Variants in GRK5 observed in about 807,000 individuals in gnomAD.
GRK5 encodes g protein-coupled receptor kinase GRK5.
Under a neutral mutation model 78.4 loss-of-function variants are expected in GRK5, and 40 were observed. That is an observed-to-expected ratio of 0.51 (90% CI 0.40 to 0.66). The LOEUF is 0.66. GRK5 is among the 30% of genes least tolerant of loss of function. GRK5 has a pLI of 0.00. For missense variants in GRK5, 598 were observed against 759.9 expected (o/e 0.79, Z 2.50); for synonymous variants, 289 against 296.8 (o/e 0.97, Z 0.27).
chr10:119,369,767 C>T (rs1368229916), intron 2 of GRK5, among the ~76,000 whole-genome samples: 2 of 152,140 alleles, frequency 1.3e-5, no homozygotes, highest in Non-Finnish European at 2.9e-5. Context: ...TGCCGGGCTT[C>T]CGGGCAGAGG....
intron 1 of GRK5, among the ~76,000 whole-genome samples, chr10:119,225,651 G>A (rs1406675869): frequency 2.0e-5 from 3 of 148,054 alleles, no homozygotes; most frequent in Non-Finnish European, 3.0e-5. Context: ...GAGGACTGCT[G>A]ATTTTCTTCT....
At chr10:119,353,969 T>C (rs1251769389) in intron 2 of GRK5, among the ~76,000 whole-genome samples, 2 of 150,460 alleles carry the variant, frequency 1.3e-5, no homozygotes, top group African/African-American at 4.9e-5. Flanking sequence ...ACTTATACTT[T>C]ATTAGTGTGA....
chr10:119,394,321 T>TCC (rs1851969821), intron 3 of GRK5, among the ~76,000 whole-genome samples: 1 of 63,032 alleles, frequency 1.6e-5, no homozygotes, highest in Non-Finnish European at 3.6e-5. Flanking sequence ...CACGTGGGTG[T>TCC]GTGTATCTGT....
At position 119,394,851 on chromosome 10, in the gene GRK5, GCA is replaced by G. The variant is rs1442095193; in HGVS notation, c.262-1839_262-1838del. Among the ~76,000 whole-genome samples, 35 of 144,592 alleles carry G rather than the reference GCA, an allele frequency of 2.4e-4. 1 individual carries two copies. The highest frequency in any genetic ancestry group is 3.5e-3 in the Middle Eastern group (1 of 284). The allele number at this position is 144,592 out of a possible 152,430, so 94.9% of individuals were successfully genotyped here. On this transcript the variant is annotated intron_variant, in intron 3 of 15. Coordinates refer to ENST00000392870, the MANE Select transcript of GRK5 (RefSeq NM_005308.3). ...TCTGTGTCTGTGGGCACGTGTGTGT[GCA>G]CACATGTGCACTCAGGTTTAGGAGA...
intron 1 of GRK5, among the ~76,000 whole-genome samples, chr10:119,232,162 G>A (rs997348169): frequency 6.6e-6 from 1 of 152,200 alleles, no homozygotes; most frequent in Non-Finnish European, 1.5e-5. Context: ...GAAGAATGAA[G>A]TCTTGCCATT....
At chr10:119,450,815 G>A (rs576408430) in intron 13 of GRK5, among the ~76,000 whole-genome samples, 3 of 152,084 alleles carry the variant, frequency 2.0e-5, no homozygotes, top group Non-Finnish European at 4.4e-5. Flanking sequence ...TGTACCCTGT[G>A]GCCCAGGGCC....
intron 2 of GRK5, among the ~76,000 whole-genome samples, chr10:119,361,379 C>G (rs1043936492): frequency 2.1e-4 from 32 of 152,254 alleles, no homozygotes; most frequent in African/African-American, 7.7e-4. Context: ...TTCAACCATT[C>G]TCTTACTCAG....
chr10:119,334,710 G>A (rs1038559261), intron 2 of GRK5: 2 of 152,094 alleles, frequency 1.3e-5, no homozygotes, highest in African/African-American at 2.4e-5. Context: ...AAAAAAGTCT[G>A]AGGGGGCTTG....
intron 1 of GRK5, among the ~76,000 whole-genome samples, chr10:119,260,237 G>A (rs1849352569): frequency 6.6e-6 from 1 of 151,976 alleles, no homozygotes; most frequent in Admixed American, 6.6e-5. Flanking sequence ...TCCTGACCTC[G>A]TGATCCACCC....
Position 119,430,958 on chromosome 10 carries a change from C to G in GRK5, c.598-429C>G, listed in dbSNP as rs932850128. On this transcript the variant is annotated intron_variant, in intron 7 of 15. Coordinates refer to ENST00000392870, the MANE Select transcript of GRK5 (RefSeq NM_005308.3). The surrounding 1 kb of genome is among the most constrained non-coding windows in gnomAD (Gnocchi z 4.5). ...ATGTGAGGCAGAGCTAAGACTTAAG[C>G]CCAAATGCTTTGGTTCCCGCTTATC... 6.6e-6 allele frequency among the ~76,000 whole-genome samples: 1 copy of G among 152,180 alleles called. No homozygotes were observed. The highest frequency in any genetic ancestry group is 2.1e-4 in the South Asian group (1 of 4,824).
chr10:119,284,849 T>C (rs1273378367), intron 1 of GRK5, among the ~76,000 whole-genome samples: 1 of 152,182 alleles, frequency 6.6e-6, no homozygotes, highest in Non-Finnish European at 1.5e-5. Context: ...GATGTCTCAC[T>C]GGGGCCTCTC....
chr10:119,269,832 TAAA>T (rs1158379424), intron 1 of GRK5, among the ~76,000 whole-genome samples: 4 of 96,126 alleles, frequency 4.2e-5, no homozygotes, highest in South Asian at 7.4e-4. Context: ...GACTCCATCT[TAAA>T]AAAAAAAAAA....
chr10:119,382,696 T>C (rs1340698566), intron 3 of GRK5, among the ~76,000 whole-genome samples: 1 of 152,220 alleles, frequency 6.6e-6, no homozygotes, highest in Admixed American at 6.5e-5. Flanking sequence ...CAAATGTTAG[T>C]ATTCAGATTT....
In GRK5 at chr10:119,271,073, A is replaced by G. The variant is rs1462078220; in HGVS notation, c.53-55443A>G. The stretch of plus-strand genomic sequence containing the variant: ...TTAATAATAATAACAGGACCCGCCT[A>G]GAAGTGACTGAATAGCAGACCGGGC... On this transcript the variant is annotated intron_variant, in intron 1 of 15. Coordinates refer to ENST00000392870, the MANE Select transcript of GRK5 (RefSeq NM_005308.3). This position sits in a 1 kb window ranked among gnomAD's most constrained non-coding sequence, Gnocchi z 4.1. 6.6e-6 allele frequency among the ~76,000 whole-genome samples: 1 copy of G among 152,244 alleles called. No individual in the cohort carries two copies. The highest frequency in any genetic ancestry group is 1.9e-4 in the East Asian group (1 of 5,192).
intron 4 of GRK5, among the ~76,000 whole-genome samples, chr10:119,419,649 A>G (rs1412121501): frequency 3.9e-5 from 6 of 152,210 alleles, no homozygotes; most frequent in Non-Finnish European, 8.8e-5. Context: ...AATCCAAAGT[A>G]TGAGAGTGGT....
Position 119,343,289 on chromosome 10 carries a change from A to G in GRK5, c.148+16678A>G, listed in dbSNP as rs542340546. On this transcript the variant is annotated intron_variant, in intron 2 of 15. Transcript: ENST00000392870. ...TGAGAGAGAGAGAGAGAGAGAGAAC[A>G]CTTTTGGGTCAGCAGGTTCAGCGTT... Among the ~76,000 whole-genome samples the G allele has an allele frequency of 2.2e-3, 342 of 152,240 alleles. 4 individuals are homozygous for G. In the South Asian group the frequency reaches 0.023, roughly 10 times the overall value.
At chr10:119,313,270 T>C (rs1321667121) in intron 1 of GRK5, among the ~76,000 whole-genome samples, 1 of 146,818 alleles carries the variant, frequency 6.8e-6, no homozygotes, top group African/African-American at 2.6e-5. Context: ...GTGGTGGTAA[T>C]AGTGGTGATG....
chr10:119,278,962 C>T (rs956416435), intron 1 of GRK5, among the ~76,000 whole-genome samples: 43 of 152,214 alleles, frequency 2.8e-4, no homozygotes, highest in African/African-American at 9.7e-4. Flanking sequence ...ACTGCAACCT[C>T]TCACTCCTGG....
intron 4 of GRK5, among the ~76,000 whole-genome samples, chr10:119,418,612 C>T (rs1306421520): frequency 1.3e-5 from 2 of 152,226 alleles, no homozygotes; most frequent in Non-Finnish European, 2.9e-5. Context: ...AGGCTGACCA[C>T]TGTGTAGCTT....
Sources: allele counts gnomAD v4.1 joint callset (sites outside exome capture counted in the v4.1 genomes callset), GRCh38; gene constraint gnomAD v4.1.1; non-coding constraint Gnocchi (gnomAD v3.1); transcripts MANE v1.5; gene names NCBI Gene and HGNC (gene_info 2026-07-23, HGNC 2026-07-21).